The following COL4A4 variants were observed in gnomAD, a reference collection of about 807,000 sequenced individuals.
COL4A4 encodes collagen alpha-4(IV) chain.
In COL4A4, 105 loss-of-function variants were observed where a neutral mutation model predicts 192.9. The ratio of observed to expected loss-of-function variants is 0.54; its 90% confidence interval spans 0.46 to 0.64. The LOEUF is 0.64. Among genes scored for constraint, COL4A4 ranks in the 30% least tolerant of loss-of-function variants. The pLI, the probability that COL4A4 is intolerant of heterozygous loss-of-function variation, is 0.00. For missense variants in COL4A4, 1,967 were observed against 2,169.3 expected (o/e 0.91, Z 1.85); for synonymous variants, 762 against 769.9 (o/e 0.99, Z 0.17).
downstream of COL4A4, among the ~76,000 whole-genome samples, chr2:227,001,876 TA>T (rs1343327930): frequency 1.3e-5 from 2 of 151,922 alleles, no homozygotes; most frequent in African/African-American, 2.4e-5. Context: ...CCTTCCTACT[TA>T]AAAGTAAGTC....
At position 227,094,273 on chromosome 2, in the gene COL4A4, AG is replaced by A. The variant is rs1396423880; in HGVS notation, c.1220del (p.Pro407LeufsTer51). The A allele has an allele frequency of 6.2e-7, 1 of 1,613,730 alleles. No homozygotes were observed. The highest frequency in any genetic ancestry group is 2.2e-5 in the East Asian group (1 of 44,858). ...GAAGACCAGGAAATCCTTGTGGCCC[AG>A]GGGGTCCTATCATGCCTGCAAGATA... ...GEACAGMIGP[P>X]GPQGFPGLPG... On this transcript the variant is annotated frameshift_variant, in exon 20 of 48. Transcript: ENST00000396625. LOFTEE classifies it high-confidence loss of function.
In COL4A4 at chr2:227,115,523, C is replaced by T. The variant is rs534654514; in HGVS notation, c.490-827G>A. ...TCCTGACCTCGTGATCCACCCGCCT[C>T]GGCCTCCCAAAGTGCTGGGATTACA... On this transcript the variant is annotated intron_variant, in intron 7 of 47. Coordinates refer to ENST00000396625, the MANE Select transcript of COL4A4 (RefSeq NM_000092.5). Among the ~76,000 whole-genome samples the T allele has an allele frequency of 3.9e-5, 6 of 152,174 alleles. No homozygotes were observed. In the East Asian group the frequency reaches 5.8e-4, roughly 15 times the overall value.
chr2:227,060,119 A>AAAAAAAAAAAAAAC lies in COL4A4; in HGVS notation c.2164+16_2164+17insGTTTTTTTTTTTTT, dbSNP rs1576214456. The AAAAAAAAAAAAAAC allele has an allele frequency of 7.2e-7, 1 of 1,391,166 alleles. No homozygotes were observed. The highest frequency in any genetic ancestry group is 9.9e-7 in the Non-Finnish European group (1 of 1,010,626). The allele number at this position is 1,391,166 out of a possible 1,614,324, so 86.2% of individuals were successfully genotyped here. A position where few individuals can be genotyped will look rare whatever the true frequency, so the allele number is the denominator to read the frequency against. ...CAAAGCAGAAAAAAAAAAAAAAAAA[A>AAAAAAAAAAAAAAC]AAAAAACCTCACTGACCAGGTGGAC... On this transcript the variant is annotated intron_variant, in intron 27 of 47. Coordinates refer to ENST00000396625, the MANE Select transcript of COL4A4 (RefSeq NM_000092.5).
chr2:227,033,271 G>C lies in COL4A4; in HGVS notation c.3577+139C>G, dbSNP rs540449548. ...TTCAGCACTAAAAATAGCTCCAATA[G>C]TGTGTCTCTAACCTAAGCCAGTTTT... On this transcript the variant is annotated intron_variant, in intron 38 of 47. Coordinates refer to ENST00000396625, the MANE Select transcript of COL4A4 (RefSeq NM_000092.5). The C allele has an allele frequency of 1.7e-5, 12 of 705,706 alleles. No individual in the cohort carries two copies. In the South Asian group the frequency reaches 1.8e-4, roughly 11 times the overall value. The allele number at this position is 705,706 out of a possible 1,614,324, so 43.7% of individuals were successfully genotyped here.
intron 20 of COL4A4, among the ~76,000 whole-genome samples, chr2:227,093,788 T>A (rs1356304762): frequency 2.6e-5 from 4 of 152,156 alleles, no homozygotes; most frequent in Non-Finnish European, 5.9e-5. Context: ...TCTCGACAAA[T>A]CGGCTCTCCC....
At chr2:227,133,051 G>A (rs56263582) in intron 4 of COL4A4, among the ~76,000 whole-genome samples, 13,079 of 152,096 alleles carry the variant, frequency 0.086, 717 homozygotes, top group African/African-American at 0.15. Context: ...CACCTGTATC[G>A]CTAGCCCTTA....
At chr2:227,013,868 C>G (rs1012611435) in intron 44 of COL4A4, among the ~76,000 whole-genome samples, 1 of 152,124 alleles carries the variant, frequency 6.6e-6, no homozygotes, top group Admixed American at 6.5e-5. Context: ...GAGCCTCCCT[C>G]CCCCACCCTA....
intron 4 of COL4A4, among the ~76,000 whole-genome samples, chr2:227,121,561 C>CAAAAA (rs766680844): frequency 7.9e-4 from 45 of 57,114 alleles, no homozygotes; most frequent in Non-Finnish European, 1.1e-3. Flanking sequence ...GACCCTATCT[C>CAAAAA]AAAAAAAAAA....
chr2:227,155,375 A>G (rs927568072), intron 1 of COL4A4, among the ~76,000 whole-genome samples: 1 of 152,216 alleles, frequency 6.6e-6, no homozygotes, highest in Non-Finnish European at 1.5e-5. Flanking sequence ...GACAGCAACC[A>G]TAATAATGTC....
At chr2:227,041,785 AGGGAAAGAAAGAAAGAAAGG>A (rs1971065209) in intron 37 of COL4A4, among the ~76,000 whole-genome samples, 1 of 66,364 alleles carries the variant, frequency 1.5e-5, no homozygotes, top group African/African-American at 6.0e-5. Flanking sequence ...GAAGGAAGGA[AGGGAAAGAAAGAAAGAAAGG>A]AAGAAAGAAA....
chr2:227,075,751 G>T (rs921972593), intron 25 of COL4A4, among the ~76,000 whole-genome samples: 3 of 152,118 alleles, frequency 2.0e-5, no homozygotes, highest in Non-Finnish European at 4.4e-5. Flanking sequence ...CATCGTCTCA[G>T]CCCAAAAACT....
intron 1 of COL4A4, among the ~76,000 whole-genome samples, chr2:227,155,750 A>G (rs1352304391): frequency 6.6e-6 from 1 of 152,024 alleles, no homozygotes. Context: ...CATGGAAACC[A>G]TCTGCCTCCC....
chr2:227,022,740 G>C (rs1966268041), intron 43 of COL4A4, among the ~76,000 whole-genome samples: 1 of 152,190 alleles, frequency 6.6e-6, no homozygotes, highest in African/African-American at 2.4e-5. Context: ...GAAATATACT[G>C]ATGCCTGGGT....
intron 31 of COL4A4, 65 bp downstream of exon 31, chr2:227,054,529 C>T (rs1448037008): frequency 2.6e-6 from 4 of 1,567,382 alleles, no homozygotes; most frequent in Non-Finnish European, 1.8e-6. Context: ...TTTCAGAGAT[C>T]ACATTTCTAG....
chr2:227,104,293 A>G lies in COL4A4; in HGVS notation c.736-241T>C, dbSNP rs13015821. On this transcript the variant is annotated intron_variant, in intron 12 of 47. Transcript: ENST00000396625. Reference sequence around the variant, plus strand: ...ATTCTTAATGCTACTATCCAGGGCCAGGCGCGGTGGCTCACGCCTGTAATC... The same window carrying G: ...ATTCTTAATGCTACTATCCAGGGCCGGGCGCGGTGGCTCACGCCTGTAATC... 4.4e-5 allele frequency: 19 copies of G among 435,382 alleles called. No homozygotes were observed. The East Asian group carries it at 9.1e-4, about 21-fold the overall frequency. The allele number at this position is 435,382 out of a possible 1,614,324, so 27.0% of individuals were successfully genotyped here. A position where few individuals can be genotyped will look rare whatever the true frequency, so the allele number is the denominator to read the frequency against.
chr2:227,102,198 G>T (rs2060561531), intron 15 of COL4A4, among the ~76,000 whole-genome samples: 2 of 152,180 alleles, frequency 1.3e-5, no homozygotes, highest in East Asian at 1.9e-4. Context: ...TTAACTTAGT[G>T]CTTGCACTGG....
chr2:227,122,850 G>A (rs1007095831), intron 4 of COL4A4, among the ~76,000 whole-genome samples: 3 of 151,838 alleles, frequency 2.0e-5, no homozygotes, highest in African/African-American at 7.3e-5. Context: ...GTGTCACTTT[G>A]TTTATTTTTA....
the COL4A4 span, among the ~76,000 whole-genome samples, chr2:226,979,521 C>G: frequency 6.6e-6 from 1 of 152,104 alleles, no homozygotes; most frequent in Non-Finnish European, 1.5e-5. Context: ...GTTGGAGATT[C>G]TCTAGGAGCC....
Position 227,121,048 on chromosome 2 carries a change from C to A in COL4A4, c.293G>T (p.Gly98Val). ...TTTGTCCCCTGCTGCTCCAGGAGGG[C>A]CGCGGTCCCCTCTCATTCCTTTCTC... ...SGEKGMRGDR[G>V]PPGAAGDKGD... Residue 98 changes from glycine (G) to valine (V), a missense_variant, in exon 5 of 48, where the codon GGC becomes GTC. Transcript: ENST00000396625. 6.2e-7 allele frequency: 1 copy of A among 1,614,168 alleles called. No homozygotes were observed. The highest frequency in any genetic ancestry group is 8.5e-7 in the Non-Finnish European group (1 of 1,180,028).
Sources: gnomAD v4.1 joint callset for allele counts (sites outside exome capture counted in the v4.1 genomes callset) on GRCh38, gnomAD v4.1.1 for gene constraint, MANE v1.5 for transcripts, NCBI Gene and HGNC (gene_info 2026-07-23, HGNC 2026-07-21) for gene names.